The following CDK14 variants were observed in gnomAD, a reference collection of about 807,000 sequenced individuals.
CDK14 encodes the protein cyclin dependent kinase 14, also known as cyclin-dependent kinase 14.
Under a neutral mutation model 60.7 loss-of-function variants are expected in CDK14, and 34 were observed. The ratio of observed to expected loss-of-function variants is 0.56; its 90% CI spans 0.43 to 0.75. CDK14 has a LOEUF of 0.75. CDK14 is among the 30% of genes least tolerant of loss of function. The probability of loss-of-function intolerance (pLI) is 0.00; values close to 1 mark genes in which losing one functional copy is unlikely to be tolerated. For synonymous variants in CDK14, 197 were observed against 203.7 expected (o/e 0.97, Z 0.28); for missense variants, 482 against 564.1 (o/e 0.85, Z 1.47).
rs756350450 is a variant in CDK14 at position 90,852,190 on chromosome 7, T to C, written c.545-10985T>C. The stretch of plus-strand genomic sequence containing the variant: ...GGGATTACAGGGGTGAGCTGCTGTG[T>C]CTGGCAAATCTTTTAATGTTATTAT... On this transcript the variant is annotated intron_variant, in intron 5 of 14. Coordinates refer to ENST00000380050, the MANE Select transcript of CDK14 (RefSeq NM_001287135.2). Among the ~76,000 whole-genome samples the C allele has an allele frequency of 1.6e-4, 24 of 152,294 alleles. No homozygotes were observed. The Middle Eastern group carries it at 0.014, about 86-fold the overall frequency.
intron 4 of CDK14, among the ~76,000 whole-genome samples, chr7:90,790,027 C>T (rs1805760838): frequency 6.8e-6 from 1 of 146,916 alleles, no homozygotes. Context: ...TAATATAAAG[C>T]ACAACTAGAC....
At chr7:90,597,991 T>C (rs1799230839) in intron 1 of CDK14, among the ~76,000 whole-genome samples, 1 of 152,222 alleles carries the variant, frequency 6.6e-6, no homozygotes, top group African/African-American at 2.4e-5. Flanking sequence ...GGGATACATG[T>C]GGAGAGTCCC....
At chr7:90,827,826 C>G (rs1386724389) in intron 5 of CDK14, among the ~76,000 whole-genome samples, 2 of 152,170 alleles carry the variant, frequency 1.3e-5, no homozygotes, top group African/African-American at 2.4e-5. Flanking sequence ...ATGCCTTGAT[C>G]TAACAACCAG....
At chr7:90,968,892 G>A (rs1265486546) in intron 9 of CDK14, among the ~76,000 whole-genome samples, 2 of 151,588 alleles carry the variant, frequency 1.3e-5, no homozygotes, top group Non-Finnish European at 2.9e-5. Context: ...CTTATACCTT[G>A]TGAGCCACTT....
At chr7:90,723,171 A>G (rs1019295623) in intron 2 of CDK14, among the ~76,000 whole-genome samples, 2 of 152,202 alleles carry the variant, frequency 1.3e-5, no homozygotes, top group African/African-American at 2.4e-5. Flanking sequence ...TGCTGAATTT[A>G]TCAAATGCTT....
chr7:90,638,749 T>G (rs1177821395), intron 2 of CDK14, among the ~76,000 whole-genome samples: 3 of 152,222 alleles, frequency 2.0e-5, no homozygotes, highest in Non-Finnish European at 2.9e-5. Flanking sequence ...TATATTCTCC[T>G]CGTCACTTTC....
chr7:90,619,654 T>C (rs186831796), intron 2 of CDK14, among the ~76,000 whole-genome samples: 17 of 152,326 alleles, frequency 1.1e-4, no homozygotes, highest in Admixed American at 1.0e-3. Context: ...CTGACCGTTA[T>C]GTTTAATTAT....
chr7:91,192,608 C>A (rs1802400137), intron 14 of CDK14, among the ~76,000 whole-genome samples: 1 of 152,084 alleles, frequency 6.6e-6, no homozygotes, highest in Admixed American at 6.6e-5. Context: ...AATCAAAGTT[C>A]AGGGTCATTG....
intron 6 of CDK14, among the ~76,000 whole-genome samples, chr7:90,883,324 C>T (rs13233806): frequency 0.22 from 34,055 of 152,028 alleles, 4,483 homozygotes; most frequent in Middle Eastern, 0.29. Context: ...AACACCTCTA[C>T]GCAAATAAAC....
In CDK14 at chr7:91,026,412, G is replaced by A. The variant is rs1796570171; in HGVS notation, c.1042-19485G>A. On this transcript the variant is annotated intron_variant, in intron 10 of 14. Transcript: ENST00000380050. ...TTTTGTGATGTGTTGATAATCCAGA[G>A]TGAAAACAACTCTTAAAGTAATCAC... is the stretch of plus-strand genomic sequence containing the variant. Among the ~76,000 whole-genome samples the A allele has an allele frequency of 2.6e-5, 4 of 152,140 alleles. No homozygotes were observed. The South Asian group carries it at 8.3e-4, about 32-fold the overall frequency.
chr7:91,142,314 G>T (rs1800493523), intron 14 of CDK14, among the ~76,000 whole-genome samples: 1 of 152,162 alleles, frequency 6.6e-6, no homozygotes, highest in African/African-American at 2.4e-5. Context: ...TTTAGCAAAG[G>T]CTGTGACCTG....
chr7:90,831,677 T>C (rs967246106), intron 5 of CDK14, among the ~76,000 whole-genome samples: 3 of 137,136 alleles, frequency 2.2e-5, no homozygotes, highest in Non-Finnish European at 3.1e-5. Context: ...TATTGTTATA[T>C]TGACACTTGA....
At chr7:90,985,618 G>A (rs936548750) in intron 10 of CDK14, among the ~76,000 whole-genome samples, 2 of 152,050 alleles carry the variant, frequency 1.3e-5, no homozygotes, top group Non-Finnish European at 2.9e-5. Flanking sequence ...AGAACGTAGC[G>A]ATACAAACTG....
intron 2 of CDK14, among the ~76,000 whole-genome samples, chr7:90,653,521 TA>T (rs752063258): frequency 4.6e-5 from 7 of 151,792 alleles, no homozygotes; most frequent in African/African-American, 7.3e-5. Context: ...CCGAGAGGGG[TA>T]ACCATTCCTT....
In CDK14 at chr7:90,844,634, A is replaced by G. The variant is rs138803225; in HGVS notation, c.545-18541A>G. ...AAGCTGGTAGGAATGATCAGGTTTC[A>G]TTTCCAAGCTCCAGATCTGTTGTTC... On this transcript the variant is annotated intron_variant, in intron 5 of 14. Coordinates refer to ENST00000380050, the MANE Select transcript of CDK14 (RefSeq NM_001287135.2). Among the ~76,000 whole-genome samples, 206 of 152,282 alleles carry G rather than the reference A, an allele frequency of 1.4e-3. 1 individual carries two copies. The highest frequency in any genetic ancestry group is 4.7e-3 in the African/African-American group (195 of 41,590).
At chr7:90,656,535 A>G (rs775468034) in intron 2 of CDK14, among the ~76,000 whole-genome samples, 7 of 152,028 alleles carry the variant, frequency 4.6e-5, no homozygotes, top group African/African-American at 9.7e-5. Flanking sequence ...ACGTGCCACC[A>G]TGCCCGGCTA....
chr7:91,182,443 T>C (rs563706904), intron 14 of CDK14, among the ~76,000 whole-genome samples: 4 of 152,016 alleles, frequency 2.6e-5, no homozygotes, highest in African/African-American at 9.7e-5. Context: ...AGTTTCAAAG[T>C]CAGATTGATA....
At chr7:91,035,935 C>A (rs1796919544) in intron 10 of CDK14, among the ~76,000 whole-genome samples, 1 of 150,270 alleles carries the variant, frequency 6.7e-6, no homozygotes, top group Admixed American at 6.7e-5. Flanking sequence ...GCTCTGCTTC[C>A]CGGGTTCACG....
In CDK14 at chr7:90,604,264, T is replaced by C. The variant is rs749048398; in HGVS notation, c.123+15T>C. On this transcript the variant is annotated intron_variant, in intron 2 of 14. Coordinates refer to ENST00000380050, the MANE Select transcript of CDK14 (RefSeq NM_001287135.2). ...CCTTTGATGAGGTAGGTTAAATTTC[T>C]TTATCTAATGTTAGATGTATTTAAT... is the stretch of plus-strand genomic sequence containing the variant. 6.7e-7 allele frequency: 1 copy of C among 1,494,410 alleles called. No homozygotes were observed. The highest frequency in any genetic ancestry group is 2.1e-5 in the Admixed American group (1 of 48,064). The allele number at this position is 1,494,410 out of a possible 1,614,324, so 92.6% of individuals were successfully genotyped here.
Sources: allele counts gnomAD v4.1 joint callset (sites outside exome capture counted in the v4.1 genomes callset), GRCh38; gene constraint gnomAD v4.1.1; transcripts MANE v1.5; gene names NCBI Gene and HGNC (gene_info 2026-07-23, HGNC 2026-07-21).